INPP4B: variants seen among roughly 807,000 people sequenced by gnomAD.
INPP4B encodes inositol polyphosphate 4-phosphatase type II.
A neutral mutation model predicts 122.5 loss-of-function variants in INPP4B; 55 were observed. That is an observed-to-expected ratio of 0.45 (90% CI 0.36 to 0.56). The LOEUF (loss-of-function observed/expected upper bound fraction) is 0.56. INPP4B is among the 20% of genes least tolerant of loss of function. The pLI is 0.00. For synonymous variants in INPP4B, 403 were observed against 388.7 expected (o/e 1.04, Z -0.43); for missense variants, 1,000 against 1,097.7 (o/e 0.91, Z 1.26).
intron 9 of INPP4B, among the ~76,000 whole-genome samples, chr4:142,273,012 A>T (rs1324676834): frequency 6.6e-6 from 1 of 152,028 alleles, no homozygotes; most frequent in Non-Finnish European, 1.5e-5. Context: ...AGAGCTGTGT[A>T]ATAAACCGTA....
intron 11 of INPP4B, among the ~76,000 whole-genome samples, chr4:142,239,610 A>G (rs1484924482): frequency 6.6e-6 from 1 of 152,184 alleles, no homozygotes; most frequent in Non-Finnish European, 1.5e-5. Context: ...TTTCAAAGAT[A>G]TAAGAATTTG....
At chr4:142,114,872 G>C (rs557106059) in intron 21 of INPP4B, among the ~76,000 whole-genome samples, 1 of 151,874 alleles carries the variant, frequency 6.6e-6, no homozygotes, top group Non-Finnish European at 1.5e-5. Context: ...CAAGCTAAAG[G>C]AGAAGGTTCA....
At chr4:142,445,357 C>T (rs1055696581) in intron 3 of INPP4B, among the ~76,000 whole-genome samples, 7 of 151,462 alleles carry the variant, frequency 4.6e-5, no homozygotes, top group Non-Finnish European at 1.0e-4. Context: ...CAGATAATGA[C>T]TGAATTTGCA....
At chr4:142,739,584 A>C (rs978693413) in intron 1 of INPP4B, among the ~76,000 whole-genome samples, 1 of 151,988 alleles carries the variant, frequency 6.6e-6, no homozygotes, top group African/African-American at 2.4e-5. Flanking sequence ...TGGTATACAT[A>C]CACCACCACC....
chr4:142,040,584 A>G (rs561183557), intron 25 of INPP4B, among the ~76,000 whole-genome samples: 1 of 152,216 alleles, frequency 6.6e-6, no homozygotes, highest in Non-Finnish European at 1.5e-5. Context: ...CATATCTGAC[A>G]TATCTTAGTT....
At chr4:142,752,795 C>T (rs1769931490) in intron 1 of INPP4B, among the ~76,000 whole-genome samples, 1 of 152,098 alleles carries the variant, frequency 6.6e-6, no homozygotes. Flanking sequence ...TCTTCTTTAT[C>T]AGCCACATTT....
At chr4:142,252,536 A>C (rs1732850517) in intron 11 of INPP4B, among the ~76,000 whole-genome samples, 1 of 152,192 alleles carries the variant, frequency 6.6e-6, no homozygotes, top group Admixed American at 6.5e-5. Context: ...ATCATTTAAA[A>C]ATTGGTTCCA....
chr4:142,029,917 T>A (rs1738732610), intron 25 of INPP4B: 5 of 1,241,754 alleles, frequency 4.0e-6, no homozygotes, highest in Non-Finnish European at 5.1e-6. Context: ...TAGTTAACAG[T>A]GGGAAACACC....
intron 1 of INPP4B, among the ~76,000 whole-genome samples, chr4:142,826,978 G>A (rs1260930989): frequency 6.6e-6 from 1 of 152,164 alleles, no homozygotes; most frequent in Non-Finnish European, 1.5e-5. Context: ...CCCCTATTAT[G>A]CCAAAGTCAT....
intron 23 of INPP4B, among the ~76,000 whole-genome samples, chr4:142,106,614 C>G (rs554842427): frequency 9.9e-5 from 15 of 152,274 alleles, no homozygotes; most frequent in Non-Finnish European, 4.4e-5. Flanking sequence ...AAGTATAGCA[C>G]TGAAAGTCCT....
intron 1 of INPP4B, among the ~76,000 whole-genome samples, chr4:142,843,536 A>T (rs1303065832): frequency 6.6e-6 from 1 of 152,116 alleles, no homozygotes; most frequent in Non-Finnish European, 1.5e-5. Flanking sequence ...TCTATCTATT[A>T]AAATCCCCAT....
intron 11 of INPP4B, among the ~76,000 whole-genome samples, chr4:142,245,842 A>G (rs201154277): frequency 2.2e-5 from 2 of 91,636 alleles, no homozygotes; most frequent in Admixed American, 1.3e-4. Context: ...ATACATATAT[A>G]TGTGTATGTA....
At chr4:142,463,009 G>A (rs1015771187) in intron 2 of INPP4B, among the ~76,000 whole-genome samples, 1 of 152,158 alleles carries the variant, frequency 6.6e-6, no homozygotes, top group East Asian at 1.9e-4. Context: ...ACTATATTAA[G>A]TTACATGGAT....
intron 2 of INPP4B, among the ~76,000 whole-genome samples, chr4:142,690,217 G>A (rs995675133): frequency 2.0e-5 from 3 of 152,146 alleles, no homozygotes; most frequent in African/African-American, 4.8e-5. Flanking sequence ...TGCAAAGCAC[G>A]AAGACACTGG....
chr4:142,234,446 C>A (rs1855799869), intron 12 of INPP4B, among the ~76,000 whole-genome samples: 1 of 152,048 alleles, frequency 6.6e-6, no homozygotes, highest in South Asian at 2.1e-4. Flanking sequence ...ATTTCTTATT[C>A]TGTTTTACAA....
At chr4:142,179,675 G>T (rs577224491) in intron 15 of INPP4B, among the ~76,000 whole-genome samples, 2 of 152,002 alleles carry the variant, frequency 1.3e-5, no homozygotes, top group East Asian at 1.9e-4. Flanking sequence ...GTTCTTACTT[G>T]TACTTTCTAA....
At chr4:142,469,946 T>C (rs1379615862) in intron 2 of INPP4B, among the ~76,000 whole-genome samples, 1 of 152,090 alleles carries the variant, frequency 6.6e-6, no homozygotes, top group African/African-American at 2.4e-5. Context: ...GTTGAGACAG[T>C]TGCCTATCCT....
chr4:142,637,236 T>C (rs1279177855), intron 2 of INPP4B, among the ~76,000 whole-genome samples: 1 of 152,168 alleles, frequency 6.6e-6, no homozygotes, highest in East Asian at 1.9e-4. Flanking sequence ...GGATTCACTC[T>C]TGTTGTATAT....
intron 9 of INPP4B, among the ~76,000 whole-genome samples, chr4:142,283,925 G>A (rs1359723754): frequency 6.6e-6 from 1 of 152,086 alleles, no homozygotes; most frequent in Non-Finnish European, 1.5e-5. Flanking sequence ...AAAAGAAACA[G>A]AGAAGAAATG....
Sources: gnomAD v4.1 joint callset for allele counts (sites outside exome capture counted in the v4.1 genomes callset) on GRCh38, gnomAD v4.1.1 for gene constraint, MANE v1.5 for transcripts, NCBI Gene and HGNC (gene_info 2026-07-23, HGNC 2026-07-21) for gene names.